Variants in GMDS observed in about 807,000 individuals in gnomAD.
GMDS encodes the protein GDP-mannose 4,6 dehydratase.
In GMDS, 20 loss-of-function variants were observed where a neutral mutation model predicts 49.9. The observed-to-expected ratio is 0.40, with a 90% CI of 0.28 to 0.58. The LOEUF is 0.58. Ranked by LOEUF, GMDS falls within the 20% of genes least tolerant of loss-of-function variation. The probability of loss-of-function intolerance (pLI) is 0.42; values close to 1 mark genes in which losing one functional copy is unlikely to be tolerated. For synonymous variants in GMDS, 177 were observed against 178.6 expected (o/e 0.99, Z 0.07); for missense variants, 362 against 481.4 (o/e 0.75, Z 2.32).
At chr6:1,937,910 T>C (rs1176643274) in intron 6 of GMDS, among the ~76,000 whole-genome samples, 1 of 152,128 alleles carries the variant, frequency 6.6e-6, no homozygotes, top group African/African-American at 2.4e-5. Context: ...CGGTGGCTCA[T>C]GCCTATAATC....
intron 7 of GMDS, among the ~76,000 whole-genome samples, chr6:1,879,197 A>G (rs1399788174): frequency 6.6e-6 from 1 of 152,256 alleles, no homozygotes; most frequent in African/African-American, 2.4e-5. Context: ...TTCTATTTAA[A>G]CAAAATTAAA....
chr6:1,789,993 C>T (rs555764640), intron 7 of GMDS, among the ~76,000 whole-genome samples: 12 of 152,110 alleles, frequency 7.9e-5, no homozygotes, highest in Non-Finnish European at 1.2e-4. Context: ...TCAGTCTTTC[C>T]CCATCTCGTA....
intron 4 of GMDS, among the ~76,000 whole-genome samples, chr6:1,995,917 G>A (rs748717680): frequency 3.9e-5 from 6 of 152,084 alleles, no homozygotes; most frequent in Non-Finnish European, 5.9e-5. Flanking sequence ...CAGCTGGGTC[G>A]CTAGGTGGCA....
At chr6:1,964,431 T>C (rs1764142727) in intron 4 of GMDS, among the ~76,000 whole-genome samples, 2 of 152,244 alleles carry the variant, frequency 1.3e-5, no homozygotes, top group Non-Finnish European at 2.9e-5. Flanking sequence ...GTATATATTA[T>C]TTAATCCTAA....
intron 4 of GMDS, among the ~76,000 whole-genome samples, chr6:2,057,156 C>T (rs191328428): frequency 6.6e-6 from 1 of 152,164 alleles, no homozygotes; most frequent in African/African-American, 2.4e-5. Context: ...AGGCCACCAG[C>T]CTTACTTCCT....
chr6:1,841,377 T>C (rs1009189817), intron 7 of GMDS, among the ~76,000 whole-genome samples: 12 of 152,352 alleles, frequency 7.9e-5, no homozygotes, highest in African/African-American at 2.9e-4. Context: ...AACATGATCC[T>C]GGAAAATAGT....
chr6:1,640,817 G>C lies in GMDS; in HGVS notation c.988-16277C>G, dbSNP rs547322403. Among the ~76,000 whole-genome samples, 7 of 116,012 alleles carry C rather than the reference G, an allele frequency of 6.0e-5. No individual in the cohort carries two copies. The highest frequency in any genetic ancestry group is 1.4e-4 in the Non-Finnish European group (7 of 49,038). 76.1% of individuals were successfully genotyped at this position (116,012 alleles called of 152,430 possible). On this transcript the variant is annotated intron_variant, in intron 9 of 10. Coordinates refer to ENST00000380815, the MANE Select transcript of GMDS (RefSeq NM_001500.4). This position sits in a 1 kb window ranked among gnomAD's most constrained non-coding sequence, Gnocchi z 4.0. Reference sequence around the variant, plus strand: ...CTGATAAAAAGAAAATTGGGTAATGGGGGGGGTCACGAATGCCAACACGGT... The same window carrying C: ...CTGATAAAAAGAAAATTGGGTAATGCGGGGGGTCACGAATGCCAACACGGT...
At chr6:2,154,862 G>GAAA (rs1562103386) in intron 1 of GMDS, among the ~76,000 whole-genome samples, 1,276 of 33,750 alleles carry the variant, frequency 0.038, 145 homozygotes, top group African/African-American at 0.091. Flanking sequence ...TTGAAGAGAT[G>GAAA]CAAAAAAAAA....
intron 6 of GMDS, among the ~76,000 whole-genome samples, chr6:1,945,363 C>T (rs908153910): frequency 6.6e-6 from 1 of 152,036 alleles, no homozygotes; most frequent in Non-Finnish European, 1.5e-5. Context: ...GAGACTGAGC[C>T]TGTGTGGCAA....
intron 8 of GMDS, among the ~76,000 whole-genome samples, chr6:1,733,582 C>T (rs1001902739): frequency 6.6e-5 from 10 of 152,076 alleles, no homozygotes; most frequent in African/African-American, 2.2e-4. Context: ...TTTGGGAAGC[C>T]GAGGCAGGCG....
intron 1 of GMDS, among the ~76,000 whole-genome samples, chr6:2,190,771 G>A (rs755019973): frequency 6.6e-6 from 1 of 152,192 alleles, no homozygotes; most frequent in South Asian, 2.1e-4. Flanking sequence ...GATGGCAGCA[G>A]GGGGCTGTCC....
intron 1 of GMDS, among the ~76,000 whole-genome samples, chr6:2,129,394 G>A (rs1242099020): frequency 6.6e-6 from 1 of 152,080 alleles, no homozygotes; most frequent in Admixed American, 6.6e-5. Context: ...AAACGAAAAG[G>A]GAACTTTCTT....
intron 1 of GMDS, among the ~76,000 whole-genome samples, chr6:2,221,581 G>A (rs1561668116): frequency 6.6e-6 from 1 of 152,050 alleles, no homozygotes; most frequent in South Asian, 2.1e-4. Flanking sequence ...GTAGAGACGG[G>A]GTTTCACCGT....
At chr6:2,096,201 AGATCTTAATTTTAATGATGT>A in intron 4 of GMDS, among the ~76,000 whole-genome samples, 1 of 152,268 alleles carries the variant, frequency 6.6e-6, no homozygotes, top group Middle Eastern at 3.4e-3. Flanking sequence ...GTAAAAGGGT[AGATCTTAATTTTAATGATGT>A]GAAACAGAAA....
intron 4 of GMDS, among the ~76,000 whole-genome samples, chr6:2,109,273 G>A (rs545289173): frequency 4.1e-4 from 63 of 152,296 alleles, no homozygotes; most frequent in African/African-American, 1.5e-3. Context: ...CCTTCATCAG[G>A]ACTTGGGGTG....
At chr6:2,135,379 T>A (rs1158749662) in intron 1 of GMDS, among the ~76,000 whole-genome samples, 1 of 152,172 alleles carries the variant, frequency 6.6e-6, no homozygotes, top group Non-Finnish European at 1.5e-5. Flanking sequence ...CTGAGCTCAT[T>A]TAAAGGGATA....
At chr6:2,051,488 GGAA>G (rs1223271025) in intron 4 of GMDS, among the ~76,000 whole-genome samples, 1 of 151,930 alleles carries the variant, frequency 6.6e-6, no homozygotes, top group Non-Finnish European at 1.5e-5. Flanking sequence ...ATATATTCCG[GGAA>G]TAAACTCAAT....
At chr6:1,921,793 G>C (rs914374486) in intron 7 of GMDS, among the ~76,000 whole-genome samples, 1 of 152,122 alleles carries the variant, frequency 6.6e-6, no homozygotes, top group African/African-American at 2.4e-5. Context: ...TACAGATAAA[G>C]GAGAGACTAT....
chr6:1,799,550 T>C (rs535477642), intron 7 of GMDS, among the ~76,000 whole-genome samples: 3 of 151,968 alleles, frequency 2.0e-5, no homozygotes, highest in East Asian at 1.9e-4. Context: ...GACGAGAAAA[T>C]AGGGCTGTGC....
Sources: gnomAD v4.1 joint callset for allele counts (sites outside exome capture counted in the v4.1 genomes callset) on GRCh38, gnomAD v4.1.1 for gene constraint, Gnocchi (gnomAD v3.1) non-coding constraint, MANE v1.5 for transcripts, NCBI Gene and HGNC (gene_info 2026-07-23, HGNC 2026-07-21) for gene names.